The following SV2C variants were observed in gnomAD, a reference collection of about 807,000 sequenced individuals.
The protein encoded by SV2C is solute carrier family 22 member B3.
In SV2C, 49 loss-of-function variants were observed where a neutral mutation model predicts 79.7. The ratio of observed to expected loss-of-function variants is 0.61; its 90% confidence interval spans 0.49 to 0.78. The LOEUF (loss-of-function observed/expected upper bound fraction) is 0.78, where lower values mean the gene tolerates loss of function less well. Among genes scored for constraint, SV2C ranks in the 30% least tolerant of loss-of-function variants. The probability of loss-of-function intolerance (pLI) is 0.00; values close to 1 mark genes in which losing one functional copy is unlikely to be tolerated. For missense variants in SV2C, 833 were observed against 912.9 expected, an observed-to-expected ratio of 0.91 and a Z score of 1.13; for synonymous variants, 334 against 333.2, an observed-to-expected ratio of 1.00 and a Z score of -0.03.
At position 76,131,710 on chromosome 5, in the gene SV2C, G is replaced by T; in HGVS notation, c.-41G>T. 1 of 1,538,448 alleles carries T rather than the reference G, an allele frequency of 6.5e-7. No homozygotes were observed. Among genetic ancestry groups the T allele is most frequent in the South Asian group, 1.3e-5 (1 of 78,636 alleles). On this transcript the variant is annotated 5_prime_UTR_variant, in exon 2 of 13. Coordinates refer to ENST00000502798, the MANE Select transcript of SV2C (RefSeq NM_014979.4). ...AGCTGAACCACTGAAAGGAGGCTGTGAAAATTTCCCATCTTCTCATTGGCC... is the reference window on the plus strand; with the variant it reads ...AGCTGAACCACTGAAAGGAGGCTGTTAAAATTTCCCATCTTCTCATTGGCC...
the SV2C span, among the ~76,000 whole-genome samples, chr5:75,898,423 T>C: frequency 6.6e-6 from 1 of 152,232 alleles, no homozygotes; most frequent in Non-Finnish European, 1.5e-5. Flanking sequence ...GAAGCCCACT[T>C]GATCATGGTG....
chr5:76,285,183 C>T lies in SV2C; in HGVS notation c.935C>T (p.Ser312Leu), dbSNP rs780487852. 9.3e-6 allele frequency: 15 copies of T among 1,614,124 alleles called. No individual in the cohort carries two copies. The highest frequency in any genetic ancestry group is 2.2e-5 in the South Asian group (2 of 91,074). Reference protein sequence around the residue: ...PHYGWSFSMGSAYQFHSWRVF... With the variant: ...PHYGWSFSMGLAYQFHSWRVF... ...CCAGGGTGGAGCTTCAGCATGGGAT[C>T]GGCCTACCAGTTTCACAGTTGGCGT... is the stretch of plus-strand genomic sequence containing the variant. Residue 312 changes from serine (S) to leucine (L), a missense_variant, in exon 5 of 13, where the codon TCG becomes TTG. Transcript: ENST00000502798.
At chr5:76,067,435 A>G in the SV2C span, among the ~76,000 whole-genome samples, 3 of 151,892 alleles carry the variant, frequency 2.0e-5, no homozygotes, top group Non-Finnish European at 4.4e-5. Context: ...AATTATTATT[A>G]TTGTTATTTG....
chr5:76,297,656 A>G (rs1188156078), intron 9 of SV2C, among the ~76,000 whole-genome samples: 1 of 152,136 alleles, frequency 6.6e-6, no homozygotes, highest in East Asian at 1.9e-4. Flanking sequence ...GATCATTATT[A>G]TTATTTCCAG....
At chr5:76,352,587 A>G (rs165988) in intron 12 of SV2C, among the ~76,000 whole-genome samples, 1 of 152,042 alleles carries the variant, frequency 6.6e-6, no homozygotes, top group Non-Finnish European at 1.5e-5. Flanking sequence ...CCCTCACCAG[A>G]TGCTGGTCCC....
chr5:76,110,275 C>T (rs1409589106), intron 1 of SV2C, among the ~76,000 whole-genome samples: 1 of 152,144 alleles, frequency 6.6e-6, no homozygotes, highest in African/African-American at 2.4e-5. Context: ...GAAAAAAAAA[C>T]TTTTACCTGA....
the SV2C span, among the ~76,000 whole-genome samples, chr5:75,864,360 T>G: frequency 1.3e-5 from 2 of 150,242 alleles, no homozygotes; most frequent in African/African-American, 4.9e-5. Flanking sequence ...ATCCATTCAT[T>G]TAATTAATAG....
In SV2C at chr5:76,350,939, G is replaced by A. The variant is rs1233457930; in HGVS notation, c.2001-2191G>A. Reference sequence around the variant, plus strand: ...TGAGGCATGAGAATCGCTTGAACCCGGGAGGCGGAGGTTACATTGAGCCAA... The same window carrying A: ...TGAGGCATGAGAATCGCTTGAACCCAGGAGGCGGAGGTTACATTGAGCCAA... On this transcript the variant is annotated intron_variant, in intron 12 of 12. Transcript: ENST00000322285. 5.9e-5 allele frequency among the ~76,000 whole-genome samples: 9 copies of A among 152,014 alleles called. No individual in the cohort carries two copies. The South Asian group carries it at 6.3e-4, about 11-fold the overall frequency.
At chr5:75,958,661 T>C in the SV2C span, among the ~76,000 whole-genome samples, 1 of 151,950 alleles carries the variant, frequency 6.6e-6, no homozygotes, top group South Asian at 2.1e-4. Flanking sequence ...CTTTGGAAGT[T>C]TCTCAAATAT....
At chr5:76,207,935 C>T (rs573152278) in intron 3 of SV2C, among the ~76,000 whole-genome samples, 2 of 152,228 alleles carry the variant, frequency 1.3e-5, no homozygotes, top group Non-Finnish European at 2.9e-5. Context: ...GAGTCTAATA[C>T]GGTGCAGTAT....
chr5:75,925,301 A>G, the SV2C span, among the ~76,000 whole-genome samples: 5 of 152,198 alleles, frequency 3.3e-5, no homozygotes, highest in African/African-American at 1.2e-4. Flanking sequence ...TCCCTCTCTT[A>G]GTTTTGTCAT....
rs375882560 is a variant in SV2C at position 76,285,266 on chromosome 5, A to T, written c.1018A>T (p.Met340Leu). The change falls in exon 5 of 13, where the codon ATG (methionine) becomes TTG (leucine). Residue 340 changes from methionine to leucine, a missense_variant. By Grantham distance (15) the Met-to-Leu change is conservative. Coordinates refer to ENST00000502798, the MANE Select transcript of SV2C (RefSeq NM_014979.4). ...CTCCTCCGTGGTGGCCCTCACATTC[A>T]TGCCTGAAAGCCCACGATTCTTGTT... The part of the protein sequence containing the change: ...CVSSVVALTF[M>L]PESPRFLLEV... 6.8e-6 allele frequency: 11 copies of T among 1,613,998 alleles called. No homozygotes were observed. The highest frequency in any genetic ancestry group is 1.3e-5 in the African/African-American group (1 of 74,908).
At chr5:76,002,642 A>G in the SV2C span, among the ~76,000 whole-genome samples, 1 of 152,290 alleles carries the variant, frequency 6.6e-6, no homozygotes, top group East Asian at 1.9e-4. Context: ...GGCAGAAAGA[A>G]CAGAAAAGGG....
intron 1 of SV2C, among the ~76,000 whole-genome samples, chr5:76,122,084 A>C (rs28763568): frequency 0.25 from 37,893 of 151,412 alleles, 5,170 homozygotes; most frequent in East Asian, 0.45. Flanking sequence ...GAGGTCCTTC[A>C]CATCCCTTGT....
At chr5:76,189,375 G>A (rs971253754) in intron 2 of SV2C, among the ~76,000 whole-genome samples, 2 of 152,026 alleles carry the variant, frequency 1.3e-5, no homozygotes, top group Non-Finnish European at 2.9e-5. Flanking sequence ...ATCATTTTCA[G>A]TGTTGCCTTT....
At chr5:76,258,022 G>C (rs1240305290) in intron 4 of SV2C, among the ~76,000 whole-genome samples, 7 of 150,008 alleles carry the variant, frequency 4.7e-5, no homozygotes. Flanking sequence ...GTAGTGTGTG[G>C]GGTGTGGATT....
chr5:76,145,818 C>T (rs985181941), intron 2 of SV2C, among the ~76,000 whole-genome samples: 1 of 152,188 alleles, frequency 6.6e-6, no homozygotes, highest in African/African-American at 2.4e-5. Flanking sequence ...ATAGGTGGGA[C>T]ACATTTGGGA....
At chr5:76,096,577 G>A (rs766081502) in intron 1 of SV2C, among the ~76,000 whole-genome samples, 7 of 152,124 alleles carry the variant, frequency 4.6e-5, no homozygotes, top group South Asian at 2.1e-4. Flanking sequence ...TGTTTTCTGC[G>A]TGGAGGTGGC....
intron 1 of SV2C, among the ~76,000 whole-genome samples, chr5:76,119,145 A>G (rs1464987044): frequency 2.6e-5 from 4 of 152,236 alleles, no homozygotes; most frequent in African/African-American, 9.6e-5. Context: ...TAAATGAATT[A>G]TGGTGTACCA....
Sources: allele counts gnomAD v4.1 joint callset (sites outside exome capture counted in the v4.1 genomes callset), GRCh38; gene constraint gnomAD v4.1.1; transcripts MANE v1.5; gene names NCBI Gene and HGNC (gene_info 2026-07-23, HGNC 2026-07-21).